Variants in SNTG1 observed in about 807,000 individuals in gnomAD.
SNTG1 encodes gamma-1-syntrophin.
SNTG1 carries 39 observed loss-of-function variants against 74.7 expected under a neutral mutation model. The observed-to-expected ratio is 0.52, with a 90% CI of 0.40 to 0.68. The LOEUF is 0.68. Ranked by LOEUF, SNTG1 falls within the 30% of genes least tolerant of loss-of-function variation. The pLI is 0.00. For missense variants in SNTG1, 685 were observed against 609.5 expected (o/e 1.12, Z -1.30); for synonymous variants, 254 against 217.1 (o/e 1.17, Z -1.49).
At chr8:50,161,245 A>G (rs923107399) in intron 1 of SNTG1, among the ~76,000 whole-genome samples, 1 of 152,204 alleles carries the variant, frequency 6.6e-6, no homozygotes, top group Admixed American at 6.5e-5. Context: ...TTTTATATGG[A>G]ACACTATATG....
At chr8:50,140,306 G>T (rs2081613778) in intron 1 of SNTG1, among the ~76,000 whole-genome samples, 1 of 152,156 alleles carries the variant, frequency 6.6e-6, no homozygotes, top group South Asian at 2.1e-4. Context: ...CTTTCCAGTT[G>T]TATCCATGTT....
intron 18 of SNTG1, among the ~76,000 whole-genome samples, chr8:50,759,278 T>C (rs2095590665): frequency 6.6e-6 from 1 of 152,132 alleles, no homozygotes; most frequent in African/African-American, 2.4e-5. Context: ...ACTCTGATGA[T>C]AGTCTCTTTT....
At chr8:50,520,321 C>A (rs1348593456) in intron 9 of SNTG1, among the ~76,000 whole-genome samples, 1 of 152,178 alleles carries the variant, frequency 6.6e-6, no homozygotes, top group Non-Finnish European at 1.5e-5. Flanking sequence ...AACGTAAGAT[C>A]TAAAACCATA....
intron 1 of SNTG1, among the ~76,000 whole-genome samples, chr8:50,118,039 G>C (rs183928415): frequency 6.6e-5 from 10 of 152,242 alleles, no homozygotes; most frequent in Admixed American, 6.5e-4. Flanking sequence ...GCATTTTACA[G>C]AAAGCACCTA....
At chr8:50,388,199 T>C (rs1360213974) in intron 2 of SNTG1, among the ~76,000 whole-genome samples, 1 of 152,160 alleles carries the variant, frequency 6.6e-6, no homozygotes, top group Non-Finnish European at 1.5e-5. Context: ...TTTGAAATCC[T>C]AGGCTCACCC....
At position 50,484,907 on chromosome 8, in the gene SNTG1, C is replaced by T. The variant is rs80034935; in HGVS notation, c.364-17871C>T. On this transcript the variant is annotated intron_variant, in intron 8 of 18. Coordinates refer to ENST00000642720, the MANE Select transcript of SNTG1 (RefSeq NM_018967.5). ...AGAAAAAGAAAGAAATATGCTATAA[C>T]CTTTCAGTCTGTAAAATATGTCTTG... is the stretch of plus-strand genomic sequence containing the variant. 5.8e-3 allele frequency among the ~76,000 whole-genome samples: 879 copies of T among 151,932 alleles called. 9 individuals are homozygous for T. The highest frequency in any genetic ancestry group is 0.019 in the African/African-American group (807 of 41,464).
In SNTG1 at chr8:50,660,426, G is replaced by GAAAGAAAGAAAGAAAGAAAGAAAGAAAGA. The variant is rs373288755; in HGVS notation, c.1038+1765_1038+1766insAGAAAGAAAGAAAGAAAGAAAGAAAGAAA. ...GAAAGAAAGAAAAGAAAGAAAGAAA[G>GAAAGAAAGAAAGAAAGAAAGAAAGAAAGA]AAGAAAGAAAGAAAGAGAAAAAAGA... On this transcript the variant is annotated intron_variant, in intron 15 of 18. Coordinates refer to ENST00000642720, the MANE Select transcript of SNTG1 (RefSeq NM_018967.5). Among the ~76,000 whole-genome samples the GAAAGAAAGAAAGAAAGAAAGAAAGAAAGA allele has an allele frequency of 5.5e-3, 402 of 72,824 alleles. 11 individuals are homozygous for GAAAGAAAGAAAGAAAGAAAGAAAGAAAGA. The highest frequency in any genetic ancestry group is 0.013 in the African/African-American group (379 of 29,088). The allele number at this position is 72,824 out of a possible 152,430, so 47.8% of individuals were successfully genotyped here. A position where few individuals can be genotyped will look rare whatever the true frequency, so the allele number is the denominator to read the frequency against.
chr8:50,674,923 A>G (rs1431439770), intron 15 of SNTG1, among the ~76,000 whole-genome samples: 3 of 151,734 alleles, frequency 2.0e-5, no homozygotes, highest in Admixed American at 6.6e-5. Flanking sequence ...TCATTATTTA[A>G]CCAGGAGTCA....
chr8:50,126,182 C>G (rs1027505566), intron 1 of SNTG1, among the ~76,000 whole-genome samples: 1 of 151,952 alleles, frequency 6.6e-6, no homozygotes, highest in Non-Finnish European at 1.5e-5. Flanking sequence ...CTGCATGACT[C>G]AGTAATGAAA....
At chr8:50,686,902 G>A (rs181656341) in intron 15 of SNTG1, among the ~76,000 whole-genome samples, 3,415 of 151,754 alleles carry the variant, frequency 0.023, 55 homozygotes, top group Middle Eastern at 0.041. Flanking sequence ...TTGGGAGGCC[G>A]AGGCGGGTGG....
chr8:50,697,037 A>G (rs1231717343), intron 15 of SNTG1, among the ~76,000 whole-genome samples: 1 of 152,064 alleles, frequency 6.6e-6, no homozygotes, highest in Non-Finnish European at 1.5e-5. Context: ...TTTGGGAAAT[A>G]TGGCCATTTT....
intron 2 of SNTG1, among the ~76,000 whole-genome samples, chr8:50,381,669 T>TAC (rs34372775): frequency 3.2e-4 from 1 of 3,118 alleles, no homozygotes; most frequent in Non-Finnish European, 1.6e-3. Flanking sequence ...TCCTATTAGT[T>TAC]ATATATATAT....
chr8:49,917,289 C>T (rs904842997), intron 1 of SNTG1, among the ~76,000 whole-genome samples: 2 of 152,078 alleles, frequency 1.3e-5, no homozygotes, highest in Admixed American at 6.5e-5. Flanking sequence ...AGAAAATAAA[C>T]AATGTCTATG....
chr8:50,662,441 T>A (rs976684783), intron 15 of SNTG1, among the ~76,000 whole-genome samples: 1 of 152,186 alleles, frequency 6.6e-6, no homozygotes, highest in Non-Finnish European at 1.5e-5. Flanking sequence ...ATGAATTCAG[T>A]TTGTATTTAC....
At chr8:50,289,827 C>T (rs1305370135) in intron 2 of SNTG1, among the ~76,000 whole-genome samples, 1 of 152,156 alleles carries the variant, frequency 6.6e-6, no homozygotes, top group Non-Finnish European at 1.5e-5. Flanking sequence ...CCAGGAAAAA[C>T]TGCAGAGTTG....
At chr8:50,462,147 CAAAATAA>C (rs2093568951) in intron 8 of SNTG1, among the ~76,000 whole-genome samples, 3 of 150,102 alleles carry the variant, frequency 2.0e-5, no homozygotes, top group Non-Finnish European at 4.4e-5. Flanking sequence ...CTATTGAAGT[CAAAATAA>C]AAAATAAAAA....
Position 50,210,813 on chromosome 8 carries a change from A to G in SNTG1, c.-28+38178A>G, listed in dbSNP as rs146711265. Among the ~76,000 whole-genome samples, 845 of 152,314 alleles carry G rather than the reference A, an allele frequency of 5.5e-3. 15 individuals are homozygous for G. The highest frequency in any genetic ancestry group is 4.1e-3 in the Non-Finnish European group (277 of 68,028). On this transcript the variant is annotated intron_variant, in intron 2 of 18. Coordinates refer to ENST00000642720, the MANE Select transcript of SNTG1 (RefSeq NM_018967.5). ...AAATTTAAAAACAAAAACAAAAACA[A>G]AAAACATAATTCATGTTATGATACT...
At chr8:50,296,720 G>A (rs2089394678) in intron 2 of SNTG1, among the ~76,000 whole-genome samples, 2 of 152,070 alleles carry the variant, frequency 1.3e-5, no homozygotes, top group South Asian at 4.1e-4. Context: ...CATGGCACAT[G>A]TAAACCTATG....
intron 1 of SNTG1, among the ~76,000 whole-genome samples, chr8:49,965,333 A>G (rs1811045609): frequency 6.6e-6 from 1 of 152,180 alleles, no homozygotes; most frequent in Non-Finnish European, 1.5e-5. Flanking sequence ...ACTCCTTTTT[A>G]TATGAGTTTC....
Sources: gnomAD v4.1 joint callset for allele counts (sites outside exome capture counted in the v4.1 genomes callset) on GRCh38, gnomAD v4.1.1 for gene constraint, MANE v1.5 for transcripts, NCBI Gene and HGNC (gene_info 2026-07-23, HGNC 2026-07-21) for gene names.